The following S1PR3 variants were observed in gnomAD, a reference collection of about 807,000 sequenced individuals.
S1PR3 encodes the protein sphingosine 1-phosphate receptor 3.
A neutral mutation model predicts 13.3 loss-of-function variants in S1PR3; 12 were observed. The observed-to-expected ratio is 0.90, with a 90% CI of 0.58 to 1.46. The LOEUF (loss-of-function observed/expected upper bound fraction) is 1.46. Ranked by LOEUF, S1PR3 falls within the 40% of genes most tolerant of loss-of-function variation. The probability of loss-of-function intolerance (pLI) is 0.00; values close to 1 mark genes in which losing one functional copy is unlikely to be tolerated. For missense variants in S1PR3, 450 were observed against 501.9 expected, an observed-to-expected ratio of 0.90 and a Z score of 0.99; for synonymous variants, 232 against 214.0, an observed-to-expected ratio of 1.08 and a Z score of -0.73.
rs1439186707 is a variant in S1PR3, at chr9:89,003,335, A to G, written c.*998A>G. 1 of 167,164 alleles carries G rather than the reference A, an allele frequency of 6.0e-6. No individual in the cohort carries two copies. Among genetic ancestry groups the G allele is most frequent in the African/African-American group, 2.4e-5 (1 of 41,472 alleles). The allele number at this position is 167,164 out of a possible 1,614,324, so 10.4% of individuals were successfully genotyped here. On this transcript the variant is annotated 3_prime_UTR_variant, in exon 2 of 2. Coordinates refer to ENST00000358157, the MANE Select transcript of S1PR3 (RefSeq NM_005226.4). ...TTCTATATTAGAAAAGCAGCAAGTC[A>G]GTAATCCCCCGTGGCATCACAGCTA...
chr9:88,994,570 A>G (rs1020708062), intron 1 of S1PR3: 1 of 166,884 alleles, frequency 6.0e-6, no homozygotes, highest in Non-Finnish European at 1.5e-5. Context: ...AAAGCGGTCA[A>G]ACACCTCCTG....
rs528668301 is a variant in S1PR3 at position 89,003,542 on chromosome 9, G to C, written c.*1205G>C. 6.0e-6 allele frequency: 1 copy of C among 167,076 alleles called. No homozygotes were observed. The highest frequency in any genetic ancestry group is 1.5e-5 in the Non-Finnish European group (1 of 68,114). 10.3% of individuals were successfully genotyped at this position (167,076 alleles called of 1,614,324 possible). On this transcript the variant is annotated 3_prime_UTR_variant, in exon 2 of 2. Coordinates refer to ENST00000358157, the MANE Select transcript of S1PR3 (RefSeq NM_005226.4). ...TTACTTTTCAACATAAGTTGAACCC[G>C]TAGCAGTCTGTTTACCTTGTAAAGG...
chr9:88,993,194 A>T (rs774249536), intron 1 of S1PR3: 1 of 152,772 alleles, frequency 6.5e-6, no homozygotes, highest in Admixed American at 6.5e-5. Flanking sequence ...GAAGGATCTT[A>T]TTTCTCAAAA....
upstream of S1PR3, chr9:88,991,087 C>T (rs1205260219): frequency 6.2e-7 from 1 of 1,613,278 alleles, no homozygotes; most frequent in Non-Finnish European, 8.5e-7. This position sits in a 1 kb window ranked among gnomAD's most constrained non-coding sequence, Gnocchi z 4.0. Context: ...CGACAGGCGC[C>T]CGCCCAAGCC....
Position 89,002,488 on chromosome 9 carries a change from A to C in S1PR3, c.*151A>C. 2 of 897,792 alleles carry C rather than the reference A, an allele frequency of 2.2e-6. No homozygotes were observed. The highest frequency in any genetic ancestry group is 3.4e-6 in the Non-Finnish European group (2 of 592,464). The allele number at this position is 897,792 out of a possible 1,614,324, so 55.6% of individuals were successfully genotyped here. A position where few individuals can be genotyped will look rare whatever the true frequency, so the allele number is the denominator to read the frequency against. On this transcript the variant is annotated 3_prime_UTR_variant, in exon 2 of 2. Coordinates refer to ENST00000358157, the MANE Select transcript of S1PR3 (RefSeq NM_005226.4). ...GGATGTCTCTTACAGAGGGGGCCCA[A>C]GGAATCACCACCCCGCTTCAGTGTA...
chr9:89,002,539 C>A lies in S1PR3; in HGVS notation c.*202C>A. On this transcript the variant is annotated 3_prime_UTR_variant, in exon 2 of 2. Transcript: ENST00000358157. Reference sequence around the variant, plus strand: ...AACAACGTGCCTTGTCCACTTTGGGCTCCAGAGTCTTTCAGATGTACTAAG... The same window carrying A: ...AACAACGTGCCTTGTCCACTTTGGGATCCAGAGTCTTTCAGATGTACTAAG... 1.6e-6 allele frequency: 1 copy of A among 641,940 alleles called. No individual in the cohort carries two copies. The highest frequency in any genetic ancestry group is 2.7e-6 in the Non-Finnish European group (1 of 364,628). 39.8% of individuals were successfully genotyped at this position (641,940 alleles called of 1,614,324 possible). A position where few individuals can be genotyped will look rare whatever the true frequency, so the allele number is the denominator to read the frequency against.
In S1PR3 at chr9:89,001,752, C is replaced by A. The variant is rs1825870235; in HGVS notation, c.552C>A (p.Asp184Glu). The A allele has an allele frequency of 6.2e-7, 1 of 1,614,140 alleles. No homozygotes were observed. The highest frequency in any genetic ancestry group is 2.2e-5 in the East Asian group (1 of 44,888). ...GGAACTGCCTGCACAATCTCCCTGACTGCTCTACCATCCTGCCCCTCTACT... is the reference window on the plus strand; with the variant it reads ...GGAACTGCCTGCACAATCTCCCTGAATGCTCTACCATCCTGCCCCTCTACT... Reference protein sequence around the residue: ...LGWNCLHNLPDCSTILPLYSK... With the variant: ...LGWNCLHNLPECSTILPLYSK... Residue 184 changes from aspartate (D) to glutamate (E), a missense_variant, in exon 2 of 2, where the codon GAC becomes GAA. Physicochemically the swap from Asp to Glu is conservative, Grantham distance 45. Transcript: ENST00000358157.
chr9:88,991,066 C>A, upstream of S1PR3: 1 of 1,613,532 alleles, frequency 6.2e-7, no homozygotes. This position sits in a 1 kb window ranked among gnomAD's most constrained non-coding sequence, Gnocchi z 4.0. Flanking sequence ...AACAAACCCT[C>A]GCTGTCAGGG....
chr9:89,004,611 A>G lies in S1PR3; in HGVS notation c.*2274A>G, dbSNP rs1294047604. The G allele has an allele frequency of 6.0e-6, 1 of 167,082 alleles. No individual in the cohort carries two copies. The allele number at this position is 167,082 out of a possible 1,614,324, so 10.3% of individuals were successfully genotyped here. A position where few individuals can be genotyped will look rare whatever the true frequency, so the allele number is the denominator to read the frequency against. ...GATGTCCGCAGTATCTAAGTATCTCAGCCTTCATCCATTAACTCTACTAGG... is the reference window on the plus strand; with the variant it reads ...GATGTCCGCAGTATCTAAGTATCTCGGCCTTCATCCATTAACTCTACTAGG... On this transcript the variant is annotated 3_prime_UTR_variant, in exon 2 of 2. Coordinates refer to ENST00000358157, the MANE Select transcript of S1PR3 (RefSeq NM_005226.4).
chr9:89,001,894 C>A lies in S1PR3; in HGVS notation c.694C>A (p.His232Asn). 1 of 1,614,224 alleles carries A rather than the reference C, an allele frequency of 6.2e-7. No homozygotes were observed. The highest frequency in any genetic ancestry group is 8.5e-7 in the Non-Finnish European group (1 of 1,180,038). The change falls in exon 2 of 2, where the codon CAC (histidine) becomes AAC (asparagine). Residue 232 changes from histidine to asparagine, a missense_variant. Physicochemically the swap from His to Asn is moderately conservative, Grantham distance 68. Coordinates refer to ENST00000358157, the MANE Select transcript of S1PR3 (RefSeq NM_005226.4). The part of the protein sequence containing the change: ...VKSSSRKVAN[H>N]NNSERSMALL... ...GTCCAGCAGCCGTAAGGTGGCCAAC[C>A]ACAACAACTCGGAGCGGTCCATGGC...
Position 89,001,705 on chromosome 9 carries a change from G to A in S1PR3, c.505G>A (p.Gly169Ser), listed in dbSNP as rs778344408. Residue 169 changes from glycine (G) to serine (S), a missense_variant, in exon 2 of 2, where the codon GGC (glycine) becomes AGC (serine). Coordinates refer to ENST00000358157, the MANE Select transcript of S1PR3 (RefSeq NM_005226.4). ...GTGCTGGCTCATTGCCTTCACGCTG[G>A]GCGCCCTGCCCATTCTGGGCTGGAA... ...GMCWLIAFTL[G>S]ALPILGWNCL... 2.5e-6 allele frequency: 4 copies of A among 1,614,180 alleles called. No homozygotes were observed. Among genetic ancestry groups the A allele is most frequent in the South Asian group, 2.2e-5 (2 of 91,088 alleles).
chr9:89,000,594 T>C (rs945160366), intron 1 of S1PR3: 5 of 155,186 alleles, frequency 3.2e-5, no homozygotes, highest in African/African-American at 1.2e-4. Context: ...CTTCCCACGA[T>C]GTCACTGTAA....
intron 1 of S1PR3, chr9:88,995,815 A>G (rs1424550892): frequency 6.0e-6 from 1 of 167,078 alleles, no homozygotes; most frequent in East Asian, 1.9e-4. Flanking sequence ...GTGTTAGTGT[A>G]GCACTTGGAA....
intron 1 of S1PR3, chr9:88,997,561 G>A (rs992156334): frequency 2.0e-5 from 3 of 152,202 alleles, no homozygotes; most frequent in African/African-American, 7.2e-5. Flanking sequence ...ATAACGACAT[G>A]CCAGTATTAC....
At chr9:88,991,128 C>A, upstream of S1PR3, 4 of 1,612,372 alleles carry the variant, frequency 2.5e-6, no homozygotes, top group Non-Finnish European at 3.4e-6. The surrounding 1 kb of genome is among the most constrained non-coding windows in gnomAD (Gnocchi z 4.0). Context: ...AAGCCTGTTC[C>A]CGCTGGGTCT....
At position 89,002,358 on chromosome 9, in the gene S1PR3, C is replaced by G. The variant is rs1305710624; in HGVS notation, c.*21C>G. The G allele has an allele frequency of 6.2e-7, 1 of 1,609,660 alleles. No individual in the cohort carries two copies. Among genetic ancestry groups the G allele is most frequent in the Admixed American group, 1.7e-5 (1 of 59,768 alleles). ...ACTGATCGTCTCCATGCGCCCTGCT[C>G]TGCGGCTGTGTTCTTATTTATTGCA... On this transcript the variant is annotated 3_prime_UTR_variant, in exon 2 of 2. Transcript: ENST00000358157.
chr9:89,001,403 A>G lies in S1PR3; in HGVS notation c.203A>G (p.Asn68Ser), dbSNP rs757136729. The change falls in exon 2 of 2, where the codon AAT becomes AGT. Residue 68 changes from asparagine to serine, a missense_variant. Transcript: ENST00000358157. Reference protein sequence around the residue: ...LMVLIAIWKNNKFHNRMYFFI... With the variant: ...LMVLIAIWKNSKFHNRMYFFI... Reference sequence around the variant, plus strand: ...GTTTTGATTGCCATCTGGAAAAACAATAAATTTCACAACCGCATGTACTTT... The same window carrying G: ...GTTTTGATTGCCATCTGGAAAAACAGTAAATTTCACAACCGCATGTACTTT... The G allele has an allele frequency of 1.9e-6, 3 of 1,614,196 alleles. No individual in the cohort carries two copies. The highest frequency in any genetic ancestry group is 1.7e-5 in the Admixed American group (1 of 60,028).
At chr9:89,000,998 C>T in intron 1 of S1PR3, 56 bp from the exon 2 acceptor site, 1 of 611,218 alleles carries the variant, frequency 1.6e-6, no homozygotes, top group Non-Finnish European at 2.8e-6. Context: ...TTGCCGTGGC[C>T]CCTTAGGCGG....
intron 1 of S1PR3, chr9:88,995,301 T>C (rs1346540766): frequency 6.0e-6 from 1 of 167,066 alleles, no homozygotes; most frequent in African/African-American, 2.4e-5. Flanking sequence ...GACCAGACTG[T>C]GGAAACATTT....
Sources: gnomAD v4.1 joint callset for allele counts on GRCh38, gnomAD v4.1.1 for gene constraint, Gnocchi (gnomAD v3.1) non-coding constraint, MANE v1.5 for transcripts, NCBI Gene and HGNC (gene_info 2026-07-23, HGNC 2026-07-21) for gene names.